Variants in AGBL4 observed in about 807,000 individuals in gnomAD.
The protein encoded by AGBL4 is AGBL carboxypeptidase 4.
In AGBL4, 58 loss-of-function variants were observed where a neutral mutation model predicts 66.4. The ratio of observed to expected loss-of-function variants is 0.87; its 90% confidence interval spans 0.71 to 1.09. The LOEUF is 1.09. Among genes scored for constraint, AGBL4 ranks in the 50% least tolerant of loss-of-function variants. The pLI, the probability that AGBL4 is intolerant of heterozygous loss-of-function variation, is 0.00. For synonymous variants in AGBL4, 234 were observed against 222.9 expected, an observed-to-expected ratio of 1.05 and a Z score of -0.44; for missense variants, 579 against 631.0, an observed-to-expected ratio of 0.92 and a Z score of 0.88.
chr1:48,716,147 G>A (rs1647046639), intron 6 of AGBL4, among the ~76,000 whole-genome samples: 2 of 152,178 alleles, frequency 1.3e-5, no homozygotes, highest in East Asian at 1.9e-4. Flanking sequence ...AAGGAAGCTT[G>A]GAGTGGCAGC....
chr1:49,121,890 G>T (rs531987831), intron 4 of AGBL4, among the ~76,000 whole-genome samples: 94 of 152,326 alleles, frequency 6.2e-4, no homozygotes, highest in African/African-American at 2.2e-3. Flanking sequence ...CAGCTGCTTT[G>T]TTTACCTACT....
In AGBL4 at chr1:49,734,785, A is replaced by T. The variant is rs1434694742; in HGVS notation, c.158-37348T>A. The stretch of plus-strand genomic sequence containing the variant: ...GTTGATATTAAACTTTATATATATT[A>T]AAATAATCTATAATAGCAAATAGCA... On this transcript the variant is annotated intron_variant, in intron 2 of 13. Coordinates refer to ENST00000371839, the MANE Select transcript of AGBL4 (RefSeq NM_032785.4). 1.2e-4 allele frequency among the ~76,000 whole-genome samples: 18 copies of T among 151,240 alleles called. No homozygotes were observed. The East Asian group carries it at 3.5e-3, about 29-fold the overall frequency.
chr1:49,943,524 T>A (rs1482335069), intron 1 of AGBL4, among the ~76,000 whole-genome samples: 1 of 151,956 alleles, frequency 6.6e-6, no homozygotes, highest in African/African-American at 2.4e-5. Context: ...CTGGGGAACC[T>A]GAAGGTCTAC....
At chr1:49,189,353 G>T (rs1307122070) in intron 4 of AGBL4, among the ~76,000 whole-genome samples, 1 of 152,142 alleles carries the variant, frequency 6.6e-6, no homozygotes, top group Non-Finnish European at 1.5e-5. Flanking sequence ...GTGTTGAACA[G>T]ATGAGTGAGT....
At chr1:48,536,879 C>T (rs1243777127) in intron 12 of AGBL4, among the ~76,000 whole-genome samples, 1 of 152,198 alleles carries the variant, frequency 6.6e-6, no homozygotes, top group Non-Finnish European at 1.5e-5. Flanking sequence ...GTCATCAATG[C>T]CATGCCCCTG....
At chr1:49,382,571 G>T (rs974138657) in intron 3 of AGBL4, among the ~76,000 whole-genome samples, 24 of 152,036 alleles carry the variant, frequency 1.6e-4, no homozygotes, top group Non-Finnish European at 5.9e-5. Context: ...AATAGTGAAA[G>T]CCTGAAAGCT....
In AGBL4 at chr1:48,957,354, T is replaced by G. The variant is rs551455100; in HGVS notation, c.594+88230A>C. Among the ~76,000 whole-genome samples the G allele has an allele frequency of 3.6e-4, 55 of 152,330 alleles. 1 individual carries two copies. The highest frequency in any genetic ancestry group is 1.3e-3 in the African/African-American group (54 of 41,580). On this transcript the variant is annotated intron_variant, in intron 5 of 13. Transcript: ENST00000371839. The stretch of plus-strand genomic sequence containing the variant: ...AACTTCGGTATAGTAATGCAATGTG[T>G]ATGATCTGACCAAATGTATCTATGA...
intron 3 of AGBL4, among the ~76,000 whole-genome samples, chr1:49,501,348 T>G (rs1648131516): frequency 6.6e-6 from 1 of 152,078 alleles, no homozygotes; most frequent in Non-Finnish European, 1.5e-5. Context: ...TGGTGGTTAT[T>G]GGAGTGAAGG....
chr1:49,059,674 C>T (rs967890517), intron 4 of AGBL4, among the ~76,000 whole-genome samples: 2 of 152,194 alleles, frequency 1.3e-5, no homozygotes, highest in African/African-American at 4.8e-5. Flanking sequence ...AGGAGGGGGA[C>T]TGTACCCTGC....
chr1:49,530,114 G>A (rs897992012), intron 3 of AGBL4, among the ~76,000 whole-genome samples: 3 of 151,594 alleles, frequency 2.0e-5, no homozygotes, highest in East Asian at 1.9e-4. Context: ...ACATTTCTAA[G>A]AGACTTGACT....
At chr1:49,844,654 G>C in intron 2 of AGBL4, 1 of 1,558,062 alleles carries the variant, frequency 6.4e-7, no homozygotes, top group Non-Finnish European at 8.7e-7. Context: ...CCCTGGAACA[G>C]AGATTAAGGG....
At chr1:48,748,475 A>C (rs1651120851) in intron 6 of AGBL4, among the ~76,000 whole-genome samples, 1 of 152,182 alleles carries the variant, frequency 6.6e-6, no homozygotes, top group South Asian at 2.1e-4. Flanking sequence ...TGTGGCTAAC[A>C]AGCATTAGGA....
At chr1:49,868,484 C>T (rs1201964655) in intron 1 of AGBL4, among the ~76,000 whole-genome samples, 1 of 152,120 alleles carries the variant, frequency 6.6e-6, no homozygotes, top group Non-Finnish European at 1.5e-5. Flanking sequence ...CTGTGACAAA[C>T]CTGACAAAAA....
intron 4 of AGBL4, among the ~76,000 whole-genome samples, chr1:49,132,041 A>C (rs568935212): frequency 6.6e-6 from 1 of 152,262 alleles, no homozygotes; most frequent in South Asian, 2.1e-4. Flanking sequence ...ATAAACTGAT[A>C]AAAGATGAGG....
At chr1:48,918,030 C>G (rs1653748810) in intron 5 of AGBL4, among the ~76,000 whole-genome samples, 1 of 152,182 alleles carries the variant, frequency 6.6e-6, no homozygotes, top group South Asian at 2.1e-4. Flanking sequence ...AGGGTAAAGG[C>G]AGCTCTCAGG....
At chr1:49,497,230 T>C (rs1647682135) in intron 3 of AGBL4, among the ~76,000 whole-genome samples, 1 of 152,040 alleles carries the variant, frequency 6.6e-6, no homozygotes, top group Non-Finnish European at 1.5e-5. Context: ...TTATTTGTTT[T>C]CTTGCTATTG....
intron 5 of AGBL4, among the ~76,000 whole-genome samples, chr1:48,921,930 T>G (rs1015831597): frequency 2.0e-5 from 3 of 152,208 alleles, no homozygotes; most frequent in Non-Finnish European, 2.9e-5. Flanking sequence ...TATGGTGCAT[T>G]GTAAGCATCA....
At chr1:48,859,433 G>A (rs1038473388) in intron 6 of AGBL4, among the ~76,000 whole-genome samples, 1 of 152,196 alleles carries the variant, frequency 6.6e-6, no homozygotes, top group Non-Finnish European at 1.5e-5. Flanking sequence ...GTTGCCCTCT[G>A]TGGTAGCTTG....
chr1:49,062,854 T>C (rs1266602553), intron 4 of AGBL4, among the ~76,000 whole-genome samples: 3 of 152,166 alleles, frequency 2.0e-5, no homozygotes, highest in African/African-American at 7.2e-5. Flanking sequence ...GTGCCCATCA[T>C]CTCCCTGTGT....
Sources: gnomAD v4.1 joint callset for allele counts (sites outside exome capture counted in the v4.1 genomes callset) on GRCh38, gnomAD v4.1.1 for gene constraint, MANE v1.5 for transcripts, NCBI Gene and HGNC (gene_info 2026-07-23, HGNC 2026-07-21) for gene names.